The following KCNQ1OT1 variants were observed in gnomAD, a reference collection of about 807,000 sequenced individuals.
KCNQ1OT1 encodes the protein KCNQ1 opposite strand/antisense transcript 1.
At position 2,624,738 on chromosome 11, in the gene KCNQ1OT1, C is replaced by A. The variant is rs1402034802; in HGVS notation, n.75257G>T. ...TCTATATCCATTAAACAATAATTCC[C>A]CAACCCCCCCACCACCGCCATCTCT... On this transcript the variant is annotated non_coding_transcript_exon_variant, in exon 1 of 1. Coordinates refer to ENST00000597346, the Ensembl canonical transcript of KCNQ1OT1. This position sits in a 1 kb window ranked among gnomAD's most constrained non-coding sequence, Gnocchi z 4.9. 1.3e-5 allele frequency: 5 copies of A among 398,290 alleles called. No homozygotes were observed. The Admixed American group carries it at 2.2e-4, about 18-fold the overall frequency. 24.7% of individuals were successfully genotyped at this position (398,290 alleles called of 1,614,324 possible).
rs925659544 is a variant in KCNQ1OT1 at position 2,674,674 on chromosome 11, A to G, written n.25321T>C. 2.5e-6 allele frequency: 1 copy of G among 398,516 alleles called. No individual in the cohort carries two copies. Among genetic ancestry groups the G allele is most frequent in the Non-Finnish European group, 4.4e-6 (1 of 226,058 alleles). 24.7% of individuals were successfully genotyped at this position (398,516 alleles called of 1,614,324 possible). On this transcript the variant is annotated non_coding_transcript_exon_variant, in exon 1 of 1. Coordinates refer to ENST00000597346, the Ensembl canonical transcript of KCNQ1OT1. The surrounding 1 kb of genome is among the most constrained non-coding windows in gnomAD (Gnocchi z 5.9). ...CAGAACTTTTTGCAAAATAATTTGA[A>G]AAGTTTGTTGAACCTTAAACCTTTC...
chr11:2,617,108 A>C lies in KCNQ1OT1; in HGVS notation n.82887T>G. ...GAGTGAGAAAAGCTATGATCTACTCAATTGGCAAAAATTCCAAATGCAATA... is the reference window on the plus strand; with the variant it reads ...GAGTGAGAAAAGCTATGATCTACTCCATTGGCAAAAATTCCAAATGCAATA... On this transcript the variant is annotated non_coding_transcript_exon_variant, in exon 1 of 1. Coordinates refer to ENST00000597346, the Ensembl canonical transcript of KCNQ1OT1. This position sits in a 1 kb window ranked among gnomAD's most constrained non-coding sequence, Gnocchi z 4.6. The C allele has an allele frequency of 5.0e-6, 2 of 398,280 alleles. No homozygotes were observed. The highest frequency in any genetic ancestry group is 4.4e-5 in the Admixed American group (1 of 22,708). The allele number at this position is 398,280 out of a possible 1,614,324, so 24.7% of individuals were successfully genotyped here.
At chr11:2,696,226 A>G in exon 1 of KCNQ1OT1, 1 of 398,610 alleles carries the variant, frequency 2.5e-6, no homozygotes. Context: ...TTCTCCTATT[A>G]AACAAATGGC....
Position 2,617,676 on chromosome 11 carries a change from C to G in KCNQ1OT1, n.82319G>C, listed in dbSNP as rs113637415. 6.1e-4 allele frequency: 244 copies of G among 398,480 alleles called. 1 individual carries two copies. Among genetic ancestry groups the G allele is most frequent in the Non-Finnish European group, 8.7e-4 (197 of 225,986 alleles). The allele number at this position is 398,480 out of a possible 1,614,324, so 24.7% of individuals were successfully genotyped here. On this transcript the variant is annotated non_coding_transcript_exon_variant, in exon 1 of 1. Coordinates refer to ENST00000597346, the Ensembl canonical transcript of KCNQ1OT1. This position sits in a 1 kb window ranked among gnomAD's most constrained non-coding sequence, Gnocchi z 4.6. Reference sequence around the variant, plus strand: ...ATGACTGCACCAATCTACAGTCCCACCAACACTGTACAAGAGTTCCCTAAC... The same window carrying G: ...ATGACTGCACCAATCTACAGTCCCAGCAACACTGTACAAGAGTTCCCTAAC...
Position 2,677,760 on chromosome 11 carries a change from T to G in KCNQ1OT1, n.22235A>C, listed in dbSNP as rs1322544852. The G allele has an allele frequency of 2.5e-6, 1 of 398,478 alleles. No individual in the cohort carries two copies. Among genetic ancestry groups the G allele is most frequent in the Non-Finnish European group, 4.4e-6 (1 of 226,054 alleles). 24.7% of individuals were successfully genotyped at this position (398,478 alleles called of 1,614,324 possible). A position where few individuals can be genotyped will look rare whatever the true frequency, so the allele number is the denominator to read the frequency against. On this transcript the variant is annotated non_coding_transcript_exon_variant, in exon 1 of 1. Coordinates refer to ENST00000597346, the Ensembl canonical transcript of KCNQ1OT1. The surrounding 1 kb of genome is among the most constrained non-coding windows in gnomAD (Gnocchi z 4.5). ...GGTCTCCGTTTTCAGTGGATTTACT[T>G]TAAGAGATCCTCCCTTTCCCCCCAT...
In KCNQ1OT1 at chr11:2,653,502, G is replaced by T; in HGVS notation, n.46493C>A. The T allele has an allele frequency of 2.5e-6, 1 of 398,682 alleles. No individual in the cohort carries two copies. 24.7% of individuals were successfully genotyped at this position (398,682 alleles called of 1,614,324 possible). On this transcript the variant is annotated non_coding_transcript_exon_variant, in exon 1 of 1. Coordinates refer to ENST00000597346, the Ensembl canonical transcript of KCNQ1OT1. The surrounding 1 kb of genome is among the most constrained non-coding windows in gnomAD (Gnocchi z 5.3). The stretch of plus-strand genomic sequence containing the variant: ...TCAGACACAGCTGGACCCCAGAGCT[G>T]AGATGATCTTGCTCACTTGCTCTCA...
exon 1 of KCNQ1OT1, chr11:2,650,978 T>C (rs1849748076): frequency 2.5e-6 from 1 of 398,670 alleles, no homozygotes; most frequent in Non-Finnish European, 4.4e-6. Flanking sequence ...CAGTATGTCT[T>C]ATCAACTCTC....
exon 1 of KCNQ1OT1, chr11:2,649,230 T>C (rs1007371448): frequency 2.5e-6 from 1 of 398,412 alleles, no homozygotes. Context: ...TATCAATAGG[T>C]GAGGACTTAC....
Position 2,671,572 on chromosome 11 carries a change from G to T in KCNQ1OT1, n.28423C>A. The T allele has an allele frequency of 2.5e-6, 1 of 398,610 alleles. No homozygotes were observed. The highest frequency in any genetic ancestry group is 1.3e-4 in the South Asian group (1 of 7,856). 24.7% of individuals were successfully genotyped at this position (398,610 alleles called of 1,614,324 possible). A position where few individuals can be genotyped will look rare whatever the true frequency, so the allele number is the denominator to read the frequency against. On this transcript the variant is annotated non_coding_transcript_exon_variant, in exon 1 of 1. Coordinates refer to ENST00000597346, the Ensembl canonical transcript of KCNQ1OT1. This position sits in a 1 kb window ranked among gnomAD's most constrained non-coding sequence, Gnocchi z 4.7. Reference sequence around the variant, plus strand: ...ACTTATCTCCTAAGTCTTTGGCACTGAGCATTTATACAAGATCAGACTGCA... The same window carrying T: ...ACTTATCTCCTAAGTCTTTGGCACTTAGCATTTATACAAGATCAGACTGCA...
At chr11:2,638,468 A>G (rs1376450212) in exon 1 of KCNQ1OT1, 5 of 152,190 alleles carry the variant, frequency 3.3e-5, no homozygotes, top group Admixed American at 3.3e-4. Flanking sequence ...TTCTGGGTTG[A>G]AAATTCTTTT....
rs763688256 is a variant in KCNQ1OT1, at chr11:2,642,473, G to T, written n.57522C>A. ...GTAACTGTAATCAATTTATTGATCA[G>T]ACTGAAGAGTTTTGATTTTTGTATT... On this transcript the variant is annotated non_coding_transcript_exon_variant, in exon 1 of 1. Coordinates refer to ENST00000597346, the Ensembl canonical transcript of KCNQ1OT1. This position sits in a 1 kb window ranked among gnomAD's most constrained non-coding sequence, Gnocchi z 4.3. 4 of 397,944 alleles carry T rather than the reference G, an allele frequency of 1.0e-5. No homozygotes were observed. Among genetic ancestry groups the T allele is most frequent in the South Asian group, 2.6e-4 (2 of 7,822 alleles). 24.7% of individuals were successfully genotyped at this position (397,944 alleles called of 1,614,324 possible).
At position 2,669,433 on chromosome 11, in the gene KCNQ1OT1, A is replaced by C. The variant is rs769799995; in HGVS notation, n.30562T>G. On this transcript the variant is annotated non_coding_transcript_exon_variant, in exon 1 of 1. Transcript: ENST00000597346. The surrounding 1 kb of genome is among the most constrained non-coding windows in gnomAD (Gnocchi z 5.6). ...CCCTTGTTTATTTAGGTTGACTTTC[A>C]TATCTTTTACCTTGCCCTGTAGTTT... is the stretch of plus-strand genomic sequence containing the variant. 8 of 398,484 alleles carry C rather than the reference A, an allele frequency of 2.0e-5. No homozygotes were observed. Among genetic ancestry groups the C allele is most frequent in the Non-Finnish European group, 3.5e-5 (8 of 226,062 alleles). 24.7% of individuals were successfully genotyped at this position (398,484 alleles called of 1,614,324 possible). A position where few individuals can be genotyped will look rare whatever the true frequency, so the allele number is the denominator to read the frequency against.
exon 1 of KCNQ1OT1, chr11:2,631,260 T>C (rs189986863): frequency 2.5e-6 from 1 of 398,544 alleles, no homozygotes; most frequent in African/African-American, 2.1e-5. Context: ...TCCTGTAAAC[T>C]TCCCTTGTTA....
In KCNQ1OT1 at chr11:2,608,791, G is replaced by A. The variant is rs913594644; in HGVS notation, n.91204C>T. 6 of 398,224 alleles carry A rather than the reference G, an allele frequency of 1.5e-5. No individual in the cohort carries two copies. Among genetic ancestry groups the A allele is most frequent in the African/African-American group, 4.1e-5 (2 of 48,540 alleles). The allele number at this position is 398,224 out of a possible 1,614,324, so 24.7% of individuals were successfully genotyped here. On this transcript the variant is annotated non_coding_transcript_exon_variant, in exon 1 of 1. Coordinates refer to ENST00000597346, the Ensembl canonical transcript of KCNQ1OT1. This position sits in a 1 kb window ranked among gnomAD's most constrained non-coding sequence, Gnocchi z 4.6. The stretch of plus-strand genomic sequence containing the variant: ...GGTGTGAGCCACTGCAGCTAGCCTC[G>A]TTTTTTTGCTTTAATTTGTAAAACT...
chr11:2,642,873 C>T lies in KCNQ1OT1; in HGVS notation n.57122G>A, dbSNP rs553748214. The T allele has an allele frequency of 7.5e-6, 3 of 397,806 alleles. No homozygotes were observed. The South Asian group carries it at 3.8e-4, about 51-fold the overall frequency. The allele number at this position is 397,806 out of a possible 1,614,324, so 24.6% of individuals were successfully genotyped here. A position where few individuals can be genotyped will look rare whatever the true frequency, so the allele number is the denominator to read the frequency against. ...TCAGAATGTTGTGCTTCTATTTTCA[C>T]TTGTTTCAGTAAATTTTTTATTTCT... On this transcript the variant is annotated non_coding_transcript_exon_variant, in exon 1 of 1. Coordinates refer to ENST00000597346, the Ensembl canonical transcript of KCNQ1OT1. The surrounding 1 kb of genome is among the most constrained non-coding windows in gnomAD (Gnocchi z 4.3).
exon 1 of KCNQ1OT1, chr11:2,640,491 G>A (rs1849556128): frequency 2.5e-6 from 1 of 397,886 alleles, no homozygotes; most frequent in Non-Finnish European, 4.4e-6. Context: ...GTGCATTGTT[G>A]CCCAGGCTGG....
At position 2,620,213 on chromosome 11, in the gene KCNQ1OT1, T is replaced by TATATATATA. The variant is rs1305943444; in HGVS notation, n.79781_79782insTATATATAT. 1 of 239,608 alleles carries TATATATATA rather than the reference T, an allele frequency of 4.2e-6. No individual in the cohort carries two copies. Among genetic ancestry groups the TATATATATA allele is most frequent in the African/African-American group, 3.0e-5 (1 of 33,630 alleles). 14.8% of individuals were successfully genotyped at this position (239,608 alleles called of 1,614,324 possible). On this transcript the variant is annotated non_coding_transcript_exon_variant, in exon 1 of 1. Transcript: ENST00000597346. The surrounding 1 kb of genome is among the most constrained non-coding windows in gnomAD (Gnocchi z 4.5). ...AGTTCATTCATGTATATATATATAT[T>TATATATATA]TTTTTTTTTTATTTTTTTTTTAGAC...
At position 2,617,189 on chromosome 11, in the gene KCNQ1OT1, C is replaced by T. The variant is rs1849081582; in HGVS notation, n.82806G>A. 2.5e-6 allele frequency: 1 copy of T among 398,144 alleles called. No homozygotes were observed. The highest frequency in any genetic ancestry group is 1.3e-4 in the South Asian group (1 of 7,852). The allele number at this position is 398,144 out of a possible 1,614,324, so 24.7% of individuals were successfully genotyped here. On this transcript the variant is annotated non_coding_transcript_exon_variant, in exon 1 of 1. Transcript: ENST00000597346. This position sits in a 1 kb window ranked among gnomAD's most constrained non-coding sequence, Gnocchi z 4.6. ...CTCTAGACTTGTTCATCCTATATATCTGCTACTTGGTATCCTTTGACCTAC... is the reference window on the plus strand; with the variant it reads ...CTCTAGACTTGTTCATCCTATATATTTGCTACTTGGTATCCTTTGACCTAC...
chr11:2,658,672 T>C lies in KCNQ1OT1; in HGVS notation n.41323A>G, dbSNP rs923300051. On this transcript the variant is annotated non_coding_transcript_exon_variant, in exon 1 of 1. Transcript: ENST00000597346. This position sits in a 1 kb window ranked among gnomAD's most constrained non-coding sequence, Gnocchi z 4.9. ...TATCATTGCTTCAGTCTCCTCTCAGTGGACAGAGCTAGGAAATATATGTAT... is the reference window on the plus strand; with the variant it reads ...TATCATTGCTTCAGTCTCCTCTCAGCGGACAGAGCTAGGAAATATATGTAT... 3 of 398,394 alleles carry C rather than the reference T, an allele frequency of 7.5e-6. No individual in the cohort carries two copies. Among genetic ancestry groups the C allele is most frequent in the African/African-American group, 6.2e-5 (3 of 48,608 alleles). The allele number at this position is 398,394 out of a possible 1,614,324, so 24.7% of individuals were successfully genotyped here. A position where few individuals can be genotyped will look rare whatever the true frequency, so the allele number is the denominator to read the frequency against.
Sources: gnomAD v4.1 joint callset for allele counts on GRCh38, gnomAD v4.1.1 for gene constraint, Gnocchi (gnomAD v3.1) non-coding constraint, MANE v1.5 for transcripts, NCBI Gene and HGNC (gene_info 2026-07-23, HGNC 2026-07-21) for gene names.